CHRM5: variants seen among roughly 807,000 people sequenced by gnomAD.
CHRM5 encodes the protein cholinergic receptor muscarinic 5.
CHRM5 carries 18 observed loss-of-function variants against 39.0 expected under a neutral mutation model. The ratio of observed to expected loss-of-function variants is 0.46; its 90% CI spans 0.32 to 0.68. The LOEUF (loss-of-function observed/expected upper bound fraction) is 0.68. CHRM5 is among the 30% of genes least tolerant of loss of function. The pLI is 0.04. For missense variants in CHRM5, 515 were observed against 651.1 expected, an observed-to-expected ratio of 0.79 and a Z score of 2.28; for synonymous variants, 241 against 246.3, an observed-to-expected ratio of 0.98 and a Z score of 0.20.
chr15:34,047,277 C>T (rs866490626), intron 2 of CHRM5, among the ~76,000 whole-genome samples: 87 of 152,228 alleles, frequency 5.7e-4, no homozygotes, highest in African/African-American at 2.0e-3. Flanking sequence ...CGGGGTTTCA[C>T]CGTGTTAGCC....
chr15:33,971,162 A>AT (rs1360230351), intron 1 of CHRM5, among the ~76,000 whole-genome samples: 3 of 152,074 alleles, frequency 2.0e-5, no homozygotes, highest in Non-Finnish European at 2.9e-5. Flanking sequence ...GATTTGGTTT[A>AT]TTTATAACAA....
chr15:34,012,613 T>TA (rs1252400288), intron 1 of CHRM5, among the ~76,000 whole-genome samples: 1 of 152,334 alleles, frequency 6.6e-6, no homozygotes, highest in East Asian at 1.9e-4. Flanking sequence ...TCTACCAGCG[T>TA]AAGTCTGGTT....
chr15:34,002,632 C>T (rs748125407), intron 1 of CHRM5, among the ~76,000 whole-genome samples: 21 of 151,872 alleles, frequency 1.4e-4, no homozygotes, highest in Admixed American at 2.0e-4. Context: ...ATATACCTGG[C>T]TACTTAAAAA....
At chr15:33,979,446 C>T (rs1209966621) in intron 1 of CHRM5, among the ~76,000 whole-genome samples, 3 of 152,054 alleles carry the variant, frequency 2.0e-5, no homozygotes, top group Non-Finnish European at 2.9e-5. Context: ...GAGGTTGAGG[C>T]TGCACTCCAG....
intron 1 of CHRM5, among the ~76,000 whole-genome samples, chr15:34,006,531 C>G (rs1465384986): frequency 6.6e-6 from 1 of 152,150 alleles, no homozygotes; most frequent in Non-Finnish European, 1.5e-5. Context: ...AAATAATTAC[C>G]TTGATCTAAA....
intron 1 of CHRM5, among the ~76,000 whole-genome samples, chr15:34,017,473 A>ATTTT (rs200988059): frequency 3.8e-4 from 39 of 101,432 alleles, no homozygotes; most frequent in East Asian, 1.2e-3. Flanking sequence ...TTTCAGTATG[A>ATTTT]TTTTTTTTTT....
At chr15:33,989,909 G>T (rs144248921) in intron 1 of CHRM5, among the ~76,000 whole-genome samples, 2 of 150,476 alleles carry the variant, frequency 1.3e-5, no homozygotes, top group South Asian at 2.1e-4. Context: ...CTATTAGAAC[G>T]TGGTACCCAG....
At chr15:34,062,516 C>CT in intron 2 of CHRM5, 127 bp from the exon 3 acceptor site, 1 of 535,908 alleles carries the variant, frequency 1.9e-6, no homozygotes, top group African/African-American at 2.0e-5. Context: ...GATCGCACCA[C>CT]TGCACTCCAG....
At position 34,063,370 on chromosome 15, in the gene CHRM5, G is replaced by A. The variant is rs541902330; in HGVS notation, c.653G>A (p.Arg218Gln). ...VMTILYCRIYRETEKRTKDLA... is the reference protein window; with the variant it reads ...VMTILYCRIYQETEKRTKDLA... ...ACCATCCTCTACTGTCGAATCTACC[G>A]GGAAACAGAGAAGCGAACCAAGGAC... The change falls in exon 3 of 3, where the codon CGG (arginine) becomes CAG (glutamine). Residue 218 changes from arginine (R) to glutamine (Q), a missense_variant. Transcript: ENST00000383263. This position sits in a 1 kb window ranked among gnomAD's most constrained non-coding sequence, Gnocchi z 4.1. 1.9e-5 allele frequency: 31 copies of A among 1,614,038 alleles called. No individual in the cohort carries two copies. The African/African-American group carries it at 2.4e-4, about 12-fold the overall frequency.
chr15:33,986,023 A>G lies in CHRM5; in HGVS notation c.-408+16873A>G, dbSNP rs114926263. Among the ~76,000 whole-genome samples the G allele has an allele frequency of 4.0e-3, 610 of 152,282 alleles. 3 individuals are homozygous for G. The highest frequency in any genetic ancestry group is 0.013 in the African/African-American group (557 of 41,568). On this transcript the variant is annotated intron_variant, in intron 1 of 2. Transcript: ENST00000383263. ...GCAGAAATTCATGATGGCATAACAA[A>G]TTTAGGATTCTATTAAGTTGATTTT... is the stretch of plus-strand genomic sequence containing the variant.
intron 1 of CHRM5, among the ~76,000 whole-genome samples, chr15:34,019,061 T>C (rs577370323): frequency 6.6e-6 from 1 of 152,036 alleles, no homozygotes; most frequent in Non-Finnish European, 1.5e-5. Flanking sequence ...GAGTGCTGAT[T>C]GGTGCATTTT....
intron 1 of CHRM5, among the ~76,000 whole-genome samples, chr15:33,999,543 C>G (rs1897059725): frequency 6.6e-6 from 1 of 152,166 alleles, no homozygotes; most frequent in Non-Finnish European, 1.5e-5. Context: ...AGGGCAACTC[C>G]CTTCTTCTCA....
chr15:34,028,101 AC>A (rs891910966), intron 1 of CHRM5, among the ~76,000 whole-genome samples: 1 of 151,936 alleles, frequency 6.6e-6, no homozygotes, highest in South Asian at 2.1e-4. Context: ...ACACAGAGAG[AC>A]CCCCCCTCAG....
chr15:33,992,304 G>A (rs1381164600), intron 1 of CHRM5, among the ~76,000 whole-genome samples: 21 of 152,158 alleles, frequency 1.4e-4, no homozygotes, highest in Admixed American at 1.4e-3. Context: ...GGAGGAGAAT[G>A]GCGTCAGCCC....
intron 2 of CHRM5, among the ~76,000 whole-genome samples, chr15:34,061,538 T>C (rs1196934885): frequency 6.6e-6 from 1 of 152,226 alleles, no homozygotes; most frequent in Non-Finnish European, 1.5e-5. Flanking sequence ...TATTAGTATA[T>C]GCATATGGGA....
At chr15:34,002,990 T>C in intron 1 of CHRM5, 1 of 1,508,668 alleles carries the variant, frequency 6.6e-7, no homozygotes, top group South Asian at 1.3e-5. Context: ...TCTGTGCAAC[T>C]TTCAGAGCAC....
intron 2 of CHRM5, among the ~76,000 whole-genome samples, chr15:34,059,272 A>G (rs1900259961): frequency 2.6e-5 from 4 of 152,250 alleles, no homozygotes; most frequent in Admixed American, 2.0e-4. Flanking sequence ...GAGTATGTGC[A>G]CATCCAAATT....
chr15:34,023,084 G>C (rs1898280995), intron 1 of CHRM5, among the ~76,000 whole-genome samples: 2 of 152,190 alleles, frequency 1.3e-5, no homozygotes, highest in Non-Finnish European at 2.9e-5. Flanking sequence ...CTACTCAGGA[G>C]GCTGAGGCAG....
chr15:34,046,145 A>G (rs1899672841), intron 1 of CHRM5, among the ~76,000 whole-genome samples: 1 of 152,192 alleles, frequency 6.6e-6, no homozygotes, highest in Non-Finnish European at 1.5e-5. Flanking sequence ...CCCTTTCAAA[A>G]ACATAATCAA....
Sources: gnomAD v4.1 joint callset for allele counts (sites outside exome capture counted in the v4.1 genomes callset) on GRCh38, gnomAD v4.1.1 for gene constraint, Gnocchi (gnomAD v3.1) non-coding constraint, MANE v1.5 for transcripts, NCBI Gene and HGNC (gene_info 2026-07-23, HGNC 2026-07-21) for gene names.